Variants in MAD1L1 observed in about 807,000 individuals in gnomAD.
MAD1L1 encodes mitotic arrest deficient 1 like 1, also known as mitotic spindle assembly checkpoint protein MAD1.
MAD1L1 carries 95 observed loss-of-function variants against 96.9 expected under a neutral mutation model. The ratio of observed to expected loss-of-function variants is 0.98; its 90% CI spans 0.83 to 1.16. The LOEUF (loss-of-function observed/expected upper bound fraction) is 1.16, where lower values mean the gene tolerates loss of function less well. Among genes scored for constraint, MAD1L1 ranks in the 50% most tolerant of loss-of-function variants. MAD1L1 has a pLI of 0.00. For synonymous variants in MAD1L1, 473 were observed against 396.6 expected (o/e 1.19, Z -2.29); for missense variants, 1,007 against 954.4 (o/e 1.06, Z -0.73).
At chr7:1,836,913 A>C (rs1278045604) in intron 18 of MAD1L1, among the ~76,000 whole-genome samples, 1 of 152,226 alleles carries the variant, frequency 6.6e-6, no homozygotes, top group East Asian at 1.9e-4. Context: ...TTAGGTAAAG[A>C]TTTCTTAGAT....
chr7:2,092,548 T>C (rs531306597), intron 11 of MAD1L1, among the ~76,000 whole-genome samples: 106 of 151,664 alleles, frequency 7.0e-4, no homozygotes, highest in African/African-American at 2.4e-3. Flanking sequence ...TTTTCAACCA[T>C]GCCCCGCCCG....
chr7:2,218,728 G>A (rs978942747), intron 6 of MAD1L1, among the ~76,000 whole-genome samples: 1 of 151,844 alleles, frequency 6.6e-6, no homozygotes, highest in East Asian at 1.9e-4. Context: ...GTTACAAAGC[G>A]AGACCGCCAT....
At chr7:2,212,876 C>T (rs991302312) in intron 10 of MAD1L1, among the ~76,000 whole-genome samples, 2 of 152,158 alleles carry the variant, frequency 1.3e-5, no homozygotes, top group Admixed American at 1.3e-4. Flanking sequence ...GAATGATTTC[C>T]CCCAAAAGCA....
At chr7:2,138,342 G>T (rs1788859391) in intron 11 of MAD1L1, among the ~76,000 whole-genome samples, 1 of 152,202 alleles carries the variant, frequency 6.6e-6, no homozygotes, top group African/African-American at 2.4e-5. Context: ...CTGGCGGTGG[G>T]GCGGTCAGCT....
intron 10 of MAD1L1, among the ~76,000 whole-genome samples, chr7:2,188,367 C>A (rs1445189799): frequency 6.6e-6 from 1 of 152,152 alleles, no homozygotes; most frequent in South Asian, 2.1e-4. Context: ...TCTCAAGGGA[C>A]CCAAAGGTCC....
intron 10 of MAD1L1, among the ~76,000 whole-genome samples, chr7:2,191,992 C>T (rs1791745379): frequency 6.6e-6 from 1 of 151,602 alleles, no homozygotes; most frequent in South Asian, 2.1e-4. Context: ...GATCGCGTCA[C>T]TGCACTCCAG....
chr7:2,051,612 C>T lies in MAD1L1; in HGVS notation c.1218+17582G>A, dbSNP rs533925915. Among the ~76,000 whole-genome samples the T allele has an allele frequency of 7.2e-5, 11 of 151,760 alleles. No homozygotes were observed. In the South Asian group the frequency reaches 8.3e-4, roughly 11 times the overall value. The stretch of plus-strand genomic sequence containing the variant: ...AAGACTGGGCCTTCCCTGCATCCGC[C>T]GGGTCACCTTGCTGTCCCCCACCTC... On this transcript the variant is annotated intron_variant, in intron 12 of 18. Transcript: ENST00000265854.
rs147726276 is a variant in MAD1L1 at position 1,916,551 on chromosome 7, G to A, written c.1808-18161C>T. Among the ~76,000 whole-genome samples the A allele has an allele frequency of 3.6e-3, 554 of 152,294 alleles. 2 individuals are homozygous for A. Among genetic ancestry groups the A allele is most frequent in the Admixed American group, 5.7e-3 (87 of 15,306 alleles). On this transcript the variant is annotated intron_variant, in intron 17 of 18. Transcript: ENST00000265854. ...CATGGCGGGGGAGGCGGGGACACAC[G>A]CCCAGCAGACAGTGAGCCCTCAAGG...
intron 10 of MAD1L1, among the ~76,000 whole-genome samples, chr7:2,154,026 C>G (rs1251207289): frequency 6.6e-6 from 1 of 152,140 alleles, no homozygotes; most frequent in African/African-American, 2.4e-5. Flanking sequence ...CGTGGTGGCA[C>G]ACGCCTGTAA....
At chr7:1,841,298 C>T (rs540676609) in intron 18 of MAD1L1, among the ~76,000 whole-genome samples, 1 of 152,362 alleles carries the variant, frequency 6.6e-6, no homozygotes, top group South Asian at 2.1e-4. Flanking sequence ...GCTCTTGGCT[C>T]CGCGTCTCGC....
At chr7:2,051,292 C>G (rs1784156166) in intron 12 of MAD1L1, among the ~76,000 whole-genome samples, 1 of 152,216 alleles carries the variant, frequency 6.6e-6, no homozygotes, top group Admixed American at 6.5e-5. Flanking sequence ...AAGCCTCGGT[C>G]TCTCTGGTAT....
At chr7:1,906,724 C>G (rs1463674893) in intron 17 of MAD1L1, among the ~76,000 whole-genome samples, 1 of 152,220 alleles carries the variant, frequency 6.6e-6, no homozygotes, top group South Asian at 2.1e-4. Context: ...CCTGAGAACC[C>G]GGAACATGGA....
intron 13 of MAD1L1, among the ~76,000 whole-genome samples, chr7:2,002,947 G>A (rs932582635): frequency 1.3e-5 from 2 of 152,232 alleles, no homozygotes; most frequent in African/African-American, 2.4e-5. Flanking sequence ...CCACGACCCC[G>A]CTTGGCTCCC....
At chr7:1,924,677 AG>A (rs766843827) in intron 17 of MAD1L1, among the ~76,000 whole-genome samples, 2 of 152,234 alleles carry the variant, frequency 1.3e-5, no homozygotes, top group Non-Finnish European at 2.9e-5. Flanking sequence ...CCAGGAAAGA[AG>A]GAAGAGGCAA....
At position 1,889,372 on chromosome 7, in the gene MAD1L1, G is replaced by A. The variant is rs139317084; in HGVS notation, c.1998+8828C>T. Among the ~76,000 whole-genome samples, 554 of 152,364 alleles carry A rather than the reference G, an allele frequency of 3.6e-3. 2 individuals are homozygous for A. Among genetic ancestry groups the A allele is most frequent in the African/African-American group, 0.013 (527 of 41,588 alleles). ...CGTGGCTGGTGTGCCCAGAAAAGGT[G>A]GCATCCTCACGGGCACTCTTGCCAT... On this transcript the variant is annotated intron_variant, in intron 18 of 18. Coordinates refer to ENST00000265854, the MANE Select transcript of MAD1L1 (RefSeq NM_001013836.2).
intron 18 of MAD1L1, among the ~76,000 whole-genome samples, chr7:1,823,144 C>T (rs1007109101): frequency 2.0e-5 from 3 of 152,060 alleles, no homozygotes; most frequent in Admixed American, 6.6e-5. Context: ...GTCACAAAGG[C>T]GCTTCAGTGG....
At position 2,088,292 on chromosome 7, in the gene MAD1L1, C is replaced by T. The variant is rs1161398570; in HGVS notation, c.1074-18954G>A. Among the ~76,000 whole-genome samples, 1 of 152,190 alleles carries T rather than the reference C, an allele frequency of 6.6e-6. No individual in the cohort carries two copies. Among genetic ancestry groups the T allele is most frequent in the Non-Finnish European group, 1.5e-5 (1 of 68,028 alleles). On this transcript the variant is annotated intron_variant, in intron 11 of 18. Transcript: ENST00000265854. The surrounding 1 kb of genome is among the most constrained non-coding windows in gnomAD (Gnocchi z 4.4). The stretch of plus-strand genomic sequence containing the variant: ...TGCCGCTGGAACACAATCCAGGCCC[C>T]CATCACAGGCTGCGCCATCTGGTTA...
At chr7:2,138,158 G>T (rs1372504342) in intron 11 of MAD1L1, among the ~76,000 whole-genome samples, 1 of 152,238 alleles carries the variant, frequency 6.6e-6, no homozygotes, top group Non-Finnish European at 1.5e-5. Context: ...CTGTTACAAA[G>T]GGTTTCATGG....
At chr7:1,841,823 G>A (rs570666142) in intron 18 of MAD1L1, among the ~76,000 whole-genome samples, 7 of 152,222 alleles carry the variant, frequency 4.6e-5, no homozygotes, top group South Asian at 2.1e-4. Flanking sequence ...CCTTCTGGGC[G>A]GGTGCCTCGC....
Sources: allele counts gnomAD v4.1 joint callset (sites outside exome capture counted in the v4.1 genomes callset), GRCh38; gene constraint gnomAD v4.1.1; non-coding constraint Gnocchi (gnomAD v3.1); transcripts MANE v1.5; gene names NCBI Gene and HGNC (gene_info 2026-07-23, HGNC 2026-07-21).